Variants in CES1 observed in about 807,000 individuals in gnomAD.
The protein encoded by CES1 is carboxylesterase 1.
Under a neutral mutation model 53.0 loss-of-function variants are expected in CES1, and 50 were observed. The observed-to-expected ratio is 0.94, with a 90% CI of 0.75 to 1.19. The LOEUF is 1.19. Among genes scored for constraint, CES1 ranks in the 50% most tolerant of loss-of-function variants. CES1 has a pLI of 0.00. For missense variants in CES1, 534 were observed against 538.0 expected (o/e 0.99, Z 0.07); for synonymous variants, 202 against 210.1 (o/e 0.96, Z 0.33).
At chr16:55,811,489 G>A (rs2031697158) in intron 9 of CES1, among the ~76,000 whole-genome samples, 1 of 152,130 alleles carries the variant, frequency 6.6e-6, no homozygotes, top group Non-Finnish European at 1.5e-5. Flanking sequence ...AAATCCTTCT[G>A]AGGGGCGAAC....
chr16:55,832,963 T>A, intron 1 of CES1, 41 bp downstream of exon 1: 1 of 1,458,424 alleles, frequency 6.9e-7, no homozygotes, highest in Non-Finnish European at 9.5e-7. Flanking sequence ...AGAACAAGGA[T>A]TTCAAAAAGT....
At chr16:55,830,833 G>T (rs1169858560) in intron 1 of CES1, among the ~76,000 whole-genome samples, 2 of 150,816 alleles carry the variant, frequency 1.3e-5, no homozygotes, top group Non-Finnish European at 3.0e-5. Context: ...CAGGCAGGCA[G>T]GCAGGCAGGC....
intron 5 of CES1, among the ~76,000 whole-genome samples, chr16:55,820,934 G>A (rs1472889159): frequency 2.6e-5 from 4 of 152,144 alleles, no homozygotes. Flanking sequence ...CCCTCCACAT[G>A]TAGGTCTGGT....
chr16:55,814,023 G>A (rs2031824455), intron 8 of CES1, among the ~76,000 whole-genome samples: 1 of 152,216 alleles, frequency 6.6e-6, no homozygotes. Context: ...GGACATTTTA[G>A]CAAGCAGGTG....
At chr16:55,814,166 C>A (rs144476591) in intron 8 of CES1, among the ~76,000 whole-genome samples, 1 of 152,218 alleles carries the variant, frequency 6.6e-6, no homozygotes, top group African/African-American at 2.4e-5. Flanking sequence ...GGAGCCTAGA[C>A]TAGGACATGA....
At chr16:55,823,712 T>A (rs1340223391) in intron 3 of CES1, 29 bp from the exon 4 acceptor site, 2 of 1,613,664 alleles carry the variant, frequency 1.2e-6, no homozygotes, top group African/African-American at 2.7e-5. Flanking sequence ...ACATACCAGT[T>A]ACAGGACACA....
At chr16:55,808,865 T>C (rs1162760251) in intron 11 of CES1, among the ~76,000 whole-genome samples, 3 of 152,114 alleles carry the variant, frequency 2.0e-5, no homozygotes, top group East Asian at 3.8e-4. Context: ...TAAAATTGAT[T>C]TTTAAAGTAT....
chr16:55,820,229 C>G, intron 6 of CES1, 143 bp downstream of exon 6: 1 of 632,680 alleles, frequency 1.6e-6, no homozygotes, highest in East Asian at 2.9e-5. Context: ...TCTCCTCGCC[C>G]TTCCTGCTCA....
At chr16:55,817,751 T>G (rs1484557948) in intron 7 of CES1, among the ~76,000 whole-genome samples, 1 of 141,452 alleles carries the variant, frequency 7.1e-6, no homozygotes, top group Non-Finnish European at 1.5e-5. Flanking sequence ...TTTCTCTGTG[T>G]GTGTGTCTGT....
chr16:55,828,207 T>TAAAAA, intron 2 of CES1: 1 of 193,074 alleles, frequency 5.2e-6, no homozygotes, highest in South Asian at 9.8e-5. Context: ...CTTCCCAGCT[T>TAAAAA]GGCCAGGGTG....
intron 6 of CES1, chr16:55,819,873 T>C (rs1482309515): frequency 1.4e-5 from 9 of 625,758 alleles, no homozygotes; most frequent in Middle Eastern, 4.1e-4. Flanking sequence ...CTTATCTCCA[T>C]TGAAATGGAC....
chr16:55,831,109 G>A (rs1187372093), intron 1 of CES1, among the ~76,000 whole-genome samples: 7 of 149,642 alleles, frequency 4.7e-5, no homozygotes, highest in South Asian at 2.1e-4. Context: ...GGTACATACG[G>A]TGGATGTGTA....
intron 8 of CES1, among the ~76,000 whole-genome samples, chr16:55,815,444 C>A (rs1389052214): frequency 3.9e-5 from 6 of 152,192 alleles, no homozygotes; most frequent in African/African-American, 1.2e-4. Context: ...GACGGGAGCA[C>A]CTCAGTTGGG....
chr16:55,821,607 G>A (rs1567501952), intron 4 of CES1, 86 bp from the exon 5 acceptor site: 49 of 1,450,590 alleles, frequency 3.4e-5, no homozygotes, highest in East Asian at 1.1e-4. Context: ...GGGGTTCTCA[G>A]TGAACCCTTA....
intron 1 of CES1, among the ~76,000 whole-genome samples, 156 bp downstream of exon 1, chr16:55,832,848 G>T (rs2032736854): frequency 6.6e-6 from 1 of 152,240 alleles, no homozygotes; most frequent in Non-Finnish European, 1.5e-5. Flanking sequence ...GGCTGGCCGG[G>T]CTCAGCTGCT....
At chr16:55,812,765 G>A in intron 9 of CES1, 138 bp downstream of exon 9, 1 of 1,261,858 alleles carries the variant, frequency 7.9e-7, no homozygotes, top group Non-Finnish European at 1.1e-6. Flanking sequence ...AGATTTCCGT[G>A]GAAATGTTAA....
Position 55,809,093 on chromosome 16 carries a change from CAA to C in CES1, c.1318+1422_1318+1423del, listed in dbSNP as rs376932562. 6.5e-4 allele frequency among the ~76,000 whole-genome samples: 47 copies of C among 72,044 alleles called. 2 individuals are homozygous for C. Among genetic ancestry groups the C allele is most frequent in the South Asian group, 3.6e-3 (8 of 2,210 alleles). The allele number at this position is 72,044 out of a possible 152,430, so 47.3% of individuals were successfully genotyped here. On this transcript the variant is annotated intron_variant, in intron 11 of 13. Transcript: ENST00000360526. ...GTAGATAAAATCTGTGTAGTCCTGG[CAA>C]AAAAAAAAAAAAAAAAGCCCTGAAC...
At chr16:55,813,632 C>G (rs1259458774) in intron 8 of CES1, among the ~76,000 whole-genome samples, 20 of 152,252 alleles carry the variant, frequency 1.3e-4, no homozygotes, top group Admixed American at 9.8e-4. Context: ...TCTGAATGTG[C>G]TATTATGTGG....
rs1409504698 is a variant in CES1 at position 55,829,645 on chromosome 16, G to A, written c.53-671C>T. Among the ~76,000 whole-genome samples the A allele has an allele frequency of 3.3e-5, 5 of 152,364 alleles. No individual in the cohort carries two copies. The South Asian group carries it at 6.2e-4, about 19-fold the overall frequency. On this transcript the variant is annotated intron_variant, in intron 1 of 13. Coordinates refer to ENST00000360526, the MANE Select transcript of CES1 (RefSeq NM_001025195.2). ...GGGGCATGGCCCACATGCACCAGGT[G>A]GAGTCTGGGGGGAGTGGAAAATATT...
Sources: allele counts gnomAD v4.1 joint callset (sites outside exome capture counted in the v4.1 genomes callset), GRCh38; gene constraint gnomAD v4.1.1; transcripts MANE v1.5; gene names NCBI Gene and HGNC (gene_info 2026-07-23, HGNC 2026-07-21).